The following DNAH12 variants were observed in gnomAD, a reference collection of about 807,000 sequenced individuals.
The protein encoded by DNAH12 is axonemal beta dynein heavy chain 12.
A neutral mutation model predicts 371.5 loss-of-function variants in DNAH12; 285 were observed. That is an observed-to-expected ratio of 0.77 (90% CI 0.70 to 0.85). The LOEUF (loss-of-function observed/expected upper bound fraction) is 0.85. DNAH12 is among the 40% of genes least tolerant of loss of function. DNAH12 has a pLI of 0.00. For missense variants in DNAH12, 3,611 were observed against 3,689.4 expected, an observed-to-expected ratio of 0.98 and a Z score of 0.55; for synonymous variants, 1,200 against 1,213.0, an observed-to-expected ratio of 0.99 and a Z score of 0.22.
chr3:57,442,171 A>G (rs1446087745), intron 29 of DNAH12, among the ~76,000 whole-genome samples: 3 of 152,218 alleles, frequency 2.0e-5, no homozygotes, highest in African/African-American at 7.2e-5. Flanking sequence ...CAGAAGACCC[A>G]TATACACACA....
rs565536243 is a variant in DNAH12 at position 57,532,342 on chromosome 3, G to A, written c.171-8458C>T. On this transcript the variant is annotated intron_variant, in intron 2 of 73. Transcript: ENST00000495027. ...CTTTGTTTCTCCAGGATTAGTTCCT[G>A]GTGCCTTATTTAGTTTGGTGAGGTC... Among the ~76,000 whole-genome samples, 3 of 152,160 alleles carry A rather than the reference G, an allele frequency of 2.0e-5. No individual in the cohort carries two copies. The South Asian group carries it at 6.2e-4, about 32-fold the overall frequency.
intron 34 of DNAH12, among the ~76,000 whole-genome samples, chr3:57,427,700 AAAAAT>A (rs1559647146): frequency 6.6e-6 from 1 of 151,650 alleles, no homozygotes; most frequent in Non-Finnish European, 1.5e-5. Flanking sequence ...ACTCCATCTC[AAAAAT>A]AAAATAAAAT....
Position 57,421,562 on chromosome 3 carries a change from AT to A in DNAH12, c.5517del (p.Glu1839AspfsTer17). The part of the protein sequence containing the change: ...NPVPDSVGKW[E>X]CPFDEKGLVY... ...ACCAGGCCTTTTTCATCAAATGGGC[AT>A]TCCCATTTACCCACAGAATCTGGCA... On this transcript the variant is annotated frameshift_variant, in exon 36 of 74. Transcript: ENST00000495027. LOFTEE classifies it high-confidence loss of function. 6.4e-7 allele frequency: 1 copy of A among 1,551,640 alleles called. No individual in the cohort carries two copies.
chr3:57,402,019 G>A (rs966808143), intron 43 of DNAH12, among the ~76,000 whole-genome samples: 18 of 152,144 alleles, frequency 1.2e-4, no homozygotes, highest in Admixed American at 2.6e-4. Flanking sequence ...CAAAGTCCAC[G>A]TTCTTGCTAC....
chr3:57,427,952 G>A (rs11915590), intron 34 of DNAH12, among the ~76,000 whole-genome samples: 32,322 of 151,024 alleles, frequency 0.21, 3,674 homozygotes, highest in African/African-American at 0.26. Context: ...TTTCTGAGAC[G>A]GAGTCTTGCT....
rs1210676287 is a variant in DNAH12 at position 57,446,331 on chromosome 3, CA to C, written c.3940-62del. Reference sequence around the variant, plus strand: ...CAGGAAAGGATATCATCTCTTAAAACAAATACCTAATATTTTAAGTCAGAAT... The same window carrying C: ...CAGGAAAGGATATCATCTCTTAAAACAATACCTAATATTTTAAGTCAGAAT... On this transcript the variant is annotated intron_variant, in intron 26 of 73. Transcript: ENST00000495027. 94 of 1,495,894 alleles carry C rather than the reference CA, an allele frequency of 6.3e-5. 1 individual carries two copies. The highest frequency in any genetic ancestry group is 3.5e-4 in the Middle Eastern group (2 of 5,756). 92.7% of individuals were successfully genotyped at this position (1,495,894 alleles called of 1,614,324 possible).
intron 57 of DNAH12, among the ~76,000 whole-genome samples, chr3:57,364,183 G>C (rs959629955): frequency 6.6e-6 from 1 of 152,042 alleles, no homozygotes; most frequent in Non-Finnish European, 1.5e-5. Flanking sequence ...TGATAAAGCT[G>C]GTTCTTTAAG....
At chr3:57,425,271 G>A (rs2153363370) in intron 34 of DNAH12, 130 bp from the exon 35 acceptor site, 2 of 578,476 alleles carry the variant, frequency 3.5e-6, no homozygotes, top group East Asian at 2.9e-5. Flanking sequence ...TTTTTGAGAT[G>A]GGATCTCACT....
Position 57,509,160 on chromosome 3 carries a change from A to G in DNAH12, c.522T>C (p.Gly174=). Residue 174 remains glycine (G), a synonymous_variant, in exon 6 of 74, where the codon GGT becomes GGC. Coordinates refer to ENST00000495027, the MANE Select transcript of DNAH12 (RefSeq NM_001366028.2). ...CTCACACAGGAGATTCAGGTAAAGG[A>G]CCTCCTTCATCTTCAAGCGATTTAA... The part of the protein sequence containing the change: ...PPVKSLEDEG[G]PLPESPVGLD... 1 of 1,612,556 alleles carries G rather than the reference A, an allele frequency of 6.2e-7. No individual in the cohort carries two copies. Among genetic ancestry groups the G allele is most frequent in the Non-Finnish European group, 8.5e-7 (1 of 1,179,004 alleles).
In DNAH12 at chr3:57,293,772, T is replaced by A; in HGVS notation, c.*9A>T. 1 of 1,545,238 alleles carries A rather than the reference T, an allele frequency of 6.5e-7. No individual in the cohort carries two copies. The highest frequency in any genetic ancestry group is 8.7e-7 in the Non-Finnish European group (1 of 1,145,146). The stretch of plus-strand genomic sequence containing the variant: ...TTAAACTTTTGGATGTTTTATAAAT[T>A]TGTCCAATTTAGTCATCCAACTGAC... On this transcript the variant is annotated 3_prime_UTR_variant, in exon 74 of 74. Coordinates refer to ENST00000495027, the MANE Select transcript of DNAH12 (RefSeq NM_001366028.2).
intron 69 of DNAH12, among the ~76,000 whole-genome samples, chr3:57,306,252 T>C (rs2061467869): frequency 6.6e-6 from 1 of 152,106 alleles, no homozygotes; most frequent in African/African-American, 2.4e-5. Context: ...CCCTTCTTAA[T>C]CAATACAGAG....
At chr3:57,437,597 T>A (rs914607879) in intron 29 of DNAH12, among the ~76,000 whole-genome samples, 2 of 152,196 alleles carry the variant, frequency 1.3e-5, no homozygotes, top group Admixed American at 6.5e-5. Flanking sequence ...GGATTGGGCC[T>A]GCTATAGACA....
chr3:57,449,025 G>C (rs6764314), intron 25 of DNAH12, among the ~76,000 whole-genome samples: 2,361 of 44,318 alleles, frequency 0.053, 600 homozygotes, highest in South Asian at 0.15. Flanking sequence ...CACAAACCTT[G>C]AGCTAAACAC....
chr3:57,540,258 T>C (rs2069221571), intron 2 of DNAH12, among the ~76,000 whole-genome samples: 1 of 151,602 alleles, frequency 6.6e-6, no homozygotes, highest in Non-Finnish European at 1.5e-5. Flanking sequence ...GCCATGTTGG[T>C]CAGGTTGGCC....
chr3:57,420,531 A>T (rs2064537379), intron 36 of DNAH12, among the ~76,000 whole-genome samples: 1 of 152,138 alleles, frequency 6.6e-6, no homozygotes, highest in Non-Finnish European at 1.5e-5. Context: ...GAAAAACAGC[A>T]TTTCCCTACT....
chr3:57,376,915 C>G (rs926272669), intron 53 of DNAH12, 66 bp downstream of exon 53: 1 of 152,096 alleles, frequency 6.6e-6, no homozygotes, highest in East Asian at 1.9e-4. Flanking sequence ...ACAATAAATA[C>G]CCAAAGAAGG....
intron 5 of DNAH12, among the ~76,000 whole-genome samples, chr3:57,509,739 GTAGTCCCAGCTACTTGGGAGGC>G (rs1432934134): frequency 3.3e-5 from 5 of 151,788 alleles, no homozygotes; most frequent in South Asian, 2.1e-4. Context: ...GCAGGCGCCT[GTAGTCCCAGCTACTTGGGAGGC>G]TGAGGCAAGA....
Position 57,472,512 on chromosome 3 carries a change from G to T in DNAH12, c.1776+34C>A. ...TGTGAATGATGTGCTTGAAATGTCA[G>T]ATTACAAAAATACATACTGAAAAAT... On this transcript the variant is annotated intron_variant, in intron 14 of 73. Coordinates refer to ENST00000495027, the MANE Select transcript of DNAH12 (RefSeq NM_001366028.2). 4 of 1,526,908 alleles carry T rather than the reference G, an allele frequency of 2.6e-6. 1 individual carries two copies. The South Asian group carries it at 5.1e-5, about 19-fold the overall frequency. 94.6% of individuals were successfully genotyped at this position (1,526,908 alleles called of 1,614,324 possible).
intron 2 of DNAH12, among the ~76,000 whole-genome samples, chr3:57,526,062 C>A (rs572713907): frequency 9.7e-4 from 148 of 152,058 alleles, no homozygotes; most frequent in Admixed American, 1.7e-3. Context: ...TGTGCCTGGC[C>A]TTTTTTCTTT....
Sources: gnomAD v4.1 joint callset for allele counts (sites outside exome capture counted in the v4.1 genomes callset) on GRCh38, gnomAD v4.1.1 for gene constraint, MANE v1.5 for transcripts, NCBI Gene and HGNC (gene_info 2026-07-23, HGNC 2026-07-21) for gene names.